The following MNAT1 variants were observed in gnomAD, a reference collection of about 807,000 sequenced individuals.
MNAT1 encodes MNAT1 component of CDK activating kinase, also known as CDK-activating kinase assembly factor MAT1.
MNAT1 carries 43 observed loss-of-function variants against 42.0 expected under a neutral mutation model. That is an observed-to-expected ratio of 1.02 (90% CI 0.80 to 1.32). The LOEUF is 1.32. MNAT1 is among the 40% of genes most tolerant of loss of function. The probability of loss-of-function intolerance (pLI) is 0.00; values close to 1 mark genes in which losing one functional copy is unlikely to be tolerated. For synonymous variants in MNAT1, 118 were observed against 120.0 expected (o/e 0.98, Z 0.11); for missense variants, 306 against 350.4 (o/e 0.87, Z 1.01).
At chr14:60,737,450 T>C (rs1896336517) in intron 1 of MNAT1, among the ~76,000 whole-genome samples, 1 of 152,126 alleles carries the variant, frequency 6.6e-6, no homozygotes, top group Non-Finnish European at 1.5e-5. Flanking sequence ...GGATAATCTC[T>C]CTAGATCAAT....
chr14:60,896,090 AAGTT>A (rs2034951691), intron 7 of MNAT1, among the ~76,000 whole-genome samples: 1 of 152,206 alleles, frequency 6.6e-6, no homozygotes, highest in East Asian at 1.9e-4. Context: ...TTTCACAATG[AAGTT>A]AGTTAAACTA....
At chr14:60,780,455 G>A (rs892984627) in intron 1 of MNAT1, 4 of 1,540,518 alleles carry the variant, frequency 2.6e-6, no homozygotes, top group Non-Finnish European at 3.6e-6. Context: ...CACAGACAAA[G>A]ATTTGGTTGT....
intron 7 of MNAT1, among the ~76,000 whole-genome samples, chr14:60,953,839 A>G (rs757825404): frequency 2.0e-5 from 3 of 152,024 alleles, no homozygotes; most frequent in Admixed American, 1.3e-4. Flanking sequence ...GTGAGGTGAT[A>G]CCTCATTGTG....
At chr14:60,805,508 T>C (rs2032340584) in intron 3 of MNAT1, among the ~76,000 whole-genome samples, 1 of 152,236 alleles carries the variant, frequency 6.6e-6, no homozygotes, top group South Asian at 2.1e-4. Flanking sequence ...TCTACCATTA[T>C]ATCATACAGA....
chr14:60,864,880 A>G (rs147985714), intron 6 of MNAT1, among the ~76,000 whole-genome samples: 9 of 152,134 alleles, frequency 5.9e-5, no homozygotes, highest in African/African-American at 1.9e-4. Context: ...GGACAGAAGA[A>G]AGGTAAAATC....
At chr14:60,790,985 G>A (rs189345332) in intron 1 of MNAT1, among the ~76,000 whole-genome samples, 1 of 152,234 alleles carries the variant, frequency 6.6e-6, no homozygotes, top group Admixed American at 6.5e-5. Flanking sequence ...AGGAAAACTG[G>A]ATAGATTCCA....
chr14:60,906,776 A>G (rs1014762113), intron 7 of MNAT1, among the ~76,000 whole-genome samples: 1 of 152,204 alleles, frequency 6.6e-6, no homozygotes, highest in South Asian at 2.1e-4. Flanking sequence ...TTGGTTTTCA[A>G]ATACTCGTTT....
At chr14:60,837,464 C>A (rs1440300657) in intron 6 of MNAT1, among the ~76,000 whole-genome samples, 1 of 152,188 alleles carries the variant, frequency 6.6e-6, no homozygotes, top group African/African-American at 2.4e-5. Context: ...CTTCCTTTGG[C>A]TAGGGAAGGG....
At chr14:60,909,009 G>A (rs890856030) in intron 7 of MNAT1, among the ~76,000 whole-genome samples, 6 of 152,072 alleles carry the variant, frequency 3.9e-5, no homozygotes, top group Non-Finnish European at 7.4e-5. Context: ...TTTAATGATT[G>A]CCATTCTAAC....
chr14:60,914,476 G>A (rs1196591079), intron 7 of MNAT1, among the ~76,000 whole-genome samples: 1 of 152,002 alleles, frequency 6.6e-6, no homozygotes, highest in Non-Finnish European at 1.5e-5. Context: ...CCCCAGCTTT[G>A]AATGGTGTGT....
At chr14:60,807,521 C>G (rs2032409645) in intron 3 of MNAT1, among the ~76,000 whole-genome samples, 1 of 152,054 alleles carries the variant, frequency 6.6e-6, no homozygotes, top group African/African-American at 2.4e-5. Context: ...ACAGGAGAGT[C>G]TTACTGATAT....
chr14:60,837,367 C>A (rs1175850690), intron 6 of MNAT1, among the ~76,000 whole-genome samples: 1 of 152,212 alleles, frequency 6.6e-6, no homozygotes, highest in Non-Finnish European at 1.5e-5. Context: ...CTGAGGGAAT[C>A]TCTTGGTCTG....
At chr14:60,904,443 G>A (rs148826648) in intron 7 of MNAT1, among the ~76,000 whole-genome samples, 91 of 152,160 alleles carry the variant, frequency 6.0e-4, no homozygotes, top group Non-Finnish European at 1.0e-3. Flanking sequence ...GAATCTTTGT[G>A]CTTAAAATTC....
chr14:60,796,677 A>G (rs765239593), intron 2 of MNAT1, among the ~76,000 whole-genome samples: 1 of 152,196 alleles, frequency 6.6e-6, no homozygotes, highest in Non-Finnish European at 1.5e-5. Context: ...GTTAAGCAGT[A>G]GTTATGAAGT....
At chr14:60,941,795 G>T (rs1291498907) in intron 7 of MNAT1, among the ~76,000 whole-genome samples, 1 of 151,006 alleles carries the variant, frequency 6.6e-6, no homozygotes, top group Non-Finnish European at 1.5e-5. Flanking sequence ...ATGAGGTCAG[G>T]AGATGGAGAC....
chr14:60,870,011 C>T (rs938005282), intron 6 of MNAT1, among the ~76,000 whole-genome samples: 8 of 151,926 alleles, frequency 5.3e-5, no homozygotes, highest in African/African-American at 1.9e-4. Context: ...TTTGTAGTAG[C>T]TTTTAAACTT....
chr14:60,861,687 T>C (rs1471348152), intron 6 of MNAT1, among the ~76,000 whole-genome samples: 2 of 152,228 alleles, frequency 1.3e-5, no homozygotes, highest in Non-Finnish European at 2.9e-5. Context: ...TTAGTGTCCT[T>C]AATGTTGAGC....
intron 7 of MNAT1, among the ~76,000 whole-genome samples, chr14:60,885,587 C>T (rs1446044339): frequency 6.6e-6 from 1 of 151,968 alleles, no homozygotes; most frequent in Non-Finnish European, 1.5e-5. Flanking sequence ...GTCCTTTGCC[C>T]ATTTTTAAGT....
intron 6 of MNAT1, among the ~76,000 whole-genome samples, chr14:60,819,438 T>C (rs925434877): frequency 7.9e-5 from 12 of 151,942 alleles, no homozygotes; most frequent in African/African-American, 2.9e-4. Flanking sequence ...AACTTTAACA[T>C]GTGTTTAATA....
Sources: gnomAD v4.1 joint callset for allele counts (sites outside exome capture counted in the v4.1 genomes callset) on GRCh38, gnomAD v4.1.1 for gene constraint, MANE v1.5 for transcripts, NCBI Gene and HGNC (gene_info 2026-07-23, HGNC 2026-07-21) for gene names.